The following OSBPL10 variants were observed in gnomAD, a reference collection of about 807,000 sequenced individuals.
The protein encoded by OSBPL10 is oxysterol binding protein like 10.
OSBPL10 carries 49 observed loss-of-function variants against 81.7 expected under a neutral mutation model. The observed-to-expected ratio is 0.60, with a 90% CI of 0.48 to 0.76. The LOEUF is 0.76. Among genes scored for constraint, OSBPL10 ranks in the 30% least tolerant of loss-of-function variants. OSBPL10 has a pLI of 0.00. For missense variants in OSBPL10, 923 were observed against 987.8 expected, an observed-to-expected ratio of 0.93 and a Z score of 0.88; for synonymous variants, 419 against 383.6, an observed-to-expected ratio of 1.09 and a Z score of -1.08.
At chr3:32,008,518 C>T (rs1321192967) in intron 2 of OSBPL10, among the ~76,000 whole-genome samples, 1 of 151,176 alleles carries the variant, frequency 6.6e-6, no homozygotes, top group Non-Finnish European at 1.5e-5. Context: ...ATTACTTGAG[C>T]CCAGGAGTTC....
intron 5 of OSBPL10, among the ~76,000 whole-genome samples, chr3:31,735,639 C>A (rs964308921): frequency 1.3e-5 from 2 of 152,144 alleles, no homozygotes; most frequent in Non-Finnish European, 2.9e-5. Context: ...AGTGTTTGTG[C>A]ATTCTGTTCC....
intron 1 of OSBPL10, among the ~76,000 whole-genome samples, chr3:31,920,825 C>G (rs1418627090): frequency 6.6e-6 from 1 of 152,152 alleles, no homozygotes; most frequent in Non-Finnish European, 1.5e-5. Context: ...AGCCTGGCTT[C>G]TCTCTTGTTC....
chr3:31,949,585 G>A (rs902952408), intron 1 of OSBPL10, among the ~76,000 whole-genome samples: 15 of 138,610 alleles, frequency 1.1e-4, no homozygotes, highest in African/African-American at 1.4e-4. Flanking sequence ...GGAGAATCAC[G>A]TGAACCCGGG....
At chr3:31,964,545 A>G (rs1335127674) in intron 1 of OSBPL10, among the ~76,000 whole-genome samples, 3 of 152,228 alleles carry the variant, frequency 2.0e-5, no homozygotes, top group Admixed American at 6.5e-5. Context: ...GTATTTCCTT[A>G]GATCAATCTT....
chr3:31,662,299 C>A, intron 11 of OSBPL10, 183 bp from the exon 12 acceptor site: 13 of 1,337,756 alleles, frequency 9.7e-6, no homozygotes, highest in Non-Finnish European at 1.2e-5. Context: ...ATGACCTTGA[C>A]CTTCCTACCC....
chr3:31,951,181 A>G (rs1049702907), intron 1 of OSBPL10, among the ~76,000 whole-genome samples: 7 of 152,204 alleles, frequency 4.6e-5, no homozygotes, highest in African/African-American at 1.4e-4. Context: ...AATTTGTGAC[A>G]TAGTCACACA....
intron 8 of OSBPL10, 42 bp from the exon 9 acceptor site, chr3:31,671,025 G>A (rs1425561668): frequency 2.0e-6 from 3 of 1,536,048 alleles, no homozygotes; most frequent in Admixed American, 3.9e-5. Context: ...GCAAACATGT[G>A]AAGAGGGCAC....
chr3:31,814,904 G>A (rs1393350698), intron 4 of OSBPL10, among the ~76,000 whole-genome samples: 1 of 152,148 alleles, frequency 6.6e-6, no homozygotes, highest in African/African-American at 2.4e-5. Flanking sequence ...TTGCTCTCTT[G>A]CCCCTGAGGA....
At chr3:31,813,238 T>C (rs1051652588) in intron 4 of OSBPL10, among the ~76,000 whole-genome samples, 1 of 152,238 alleles carries the variant, frequency 6.6e-6, no homozygotes. Flanking sequence ...GATTTAGGGA[T>C]GACCAAAGCA....
chr3:31,823,560 C>T (rs1700030016), intron 4 of OSBPL10, among the ~76,000 whole-genome samples: 1 of 152,074 alleles, frequency 6.6e-6, no homozygotes, highest in Admixed American at 6.6e-5. Flanking sequence ...AGAAAGACCT[C>T]CTCCCAACCT....
intron 1 of OSBPL10, among the ~76,000 whole-genome samples, chr3:31,948,409 C>T (rs1697763781): frequency 6.6e-6 from 1 of 152,178 alleles, no homozygotes; most frequent in African/African-American, 2.4e-5. Flanking sequence ...ACAACCCAGA[C>T]TGAAGGCTTA....
chr3:31,889,245 C>T (rs1263724486), intron 1 of OSBPL10, among the ~76,000 whole-genome samples: 1 of 152,148 alleles, frequency 6.6e-6, no homozygotes, highest in Non-Finnish European at 1.5e-5. Flanking sequence ...AGTATGAATA[C>T]TCTTCAAAGA....
intron 2 of OSBPL10, 138 bp from the exon 3 acceptor site, chr3:31,876,650 T>C (rs1701480127): frequency 1.5e-6 from 1 of 668,988 alleles, no homozygotes; most frequent in Non-Finnish European, 2.7e-6. Flanking sequence ...CAAGCACAGA[T>C]CACAACGTTC....
chr3:31,761,823 A>AAAAAAAC (rs1018723277), intron 4 of OSBPL10, among the ~76,000 whole-genome samples: 2 of 149,894 alleles, frequency 1.3e-5, no homozygotes, highest in African/African-American at 5.1e-5. Flanking sequence ...TAAAAAAAAA[A>AAAAAAAC]AAAAAAAACC....
At chr3:31,973,694 A>G (rs1259445109) in intron 1 of OSBPL10, among the ~76,000 whole-genome samples, 1 of 152,234 alleles carries the variant, frequency 6.6e-6, no homozygotes, top group Non-Finnish European at 1.5e-5. Flanking sequence ...CCAGGTAGCA[A>G]CATGAAGATG....
intron 1 of OSBPL10, among the ~76,000 whole-genome samples, chr3:32,059,884 C>G (rs968174169): frequency 6.6e-6 from 1 of 151,992 alleles, no homozygotes; most frequent in Admixed American, 6.6e-5. Context: ...TGCACTCCAG[C>G]CTGGGAGACA....
At chr3:31,773,999 TA>T (rs1031708218) in intron 4 of OSBPL10, among the ~76,000 whole-genome samples, 22 of 152,096 alleles carry the variant, frequency 1.4e-4, no homozygotes, top group Non-Finnish European at 2.4e-4. Context: ...CCGTCTCTAC[TA>T]AAAATACAAA....
At chr3:31,915,306 A>T (rs1696722535) in intron 1 of OSBPL10, among the ~76,000 whole-genome samples, 1 of 152,016 alleles carries the variant, frequency 6.6e-6, no homozygotes. Flanking sequence ...TTCTCTGGTG[A>T]CCTTCAGGTG....
chr3:31,666,015 T>G (rs1352691443), intron 10 of OSBPL10, among the ~76,000 whole-genome samples: 1 of 151,804 alleles, frequency 6.6e-6, no homozygotes, highest in Admixed American at 6.5e-5. Flanking sequence ...GGGAGGAGAA[T>G]GGAGTGGAGG....
Sources: gnomAD v4.1 joint callset for allele counts (sites outside exome capture counted in the v4.1 genomes callset) on GRCh38, gnomAD v4.1.1 for gene constraint, MANE v1.5 for transcripts, NCBI Gene and HGNC (gene_info 2026-07-23, HGNC 2026-07-21) for gene names.